Variants in CNTNAP2 observed in about 807,000 individuals in gnomAD.
CNTNAP2 encodes the protein contactin associated protein 2, also known as contactin-associated protein-like 2.
CNTNAP2 carries 98 observed loss-of-function variants against 155.2 expected under a neutral mutation model. The ratio of observed to expected loss-of-function variants is 0.63; its 90% CI spans 0.54 to 0.75. CNTNAP2 has a LOEUF of 0.75. CNTNAP2 is among the 30% of genes least tolerant of loss of function. The pLI, the probability that CNTNAP2 is intolerant of heterozygous loss-of-function variation, is 0.00. For missense variants in CNTNAP2, 1,727 were observed against 1,688.1 expected (o/e 1.02, Z -0.40); for synonymous variants, 651 against 631.2 (o/e 1.03, Z -0.47).
intron 13 of CNTNAP2, among the ~76,000 whole-genome samples, chr7:147,850,268 G>A (rs1798907532): frequency 6.6e-6 from 1 of 152,114 alleles, no homozygotes; most frequent in Admixed American, 6.6e-5. Flanking sequence ...AATAAAAGAG[G>A]ACACAAACAA....
chr7:146,469,159 G>A (rs948298734), intron 1 of CNTNAP2, among the ~76,000 whole-genome samples: 1 of 152,168 alleles, frequency 6.6e-6, no homozygotes, highest in African/African-American at 2.4e-5. Context: ...TGCTGGAGGT[G>A]AGCTGCCTTT....
chr7:148,297,416 T>G (rs893259421), intron 21 of CNTNAP2, among the ~76,000 whole-genome samples: 2 of 152,134 alleles, frequency 1.3e-5, no homozygotes, highest in African/African-American at 4.8e-5. Context: ...AGAGATTAAT[T>G]ACAGCCACTG....
At chr7:146,667,988 C>T (rs1408498461) in intron 1 of CNTNAP2, among the ~76,000 whole-genome samples, 1 of 152,054 alleles carries the variant, frequency 6.6e-6, no homozygotes, top group Non-Finnish European at 1.5e-5. Flanking sequence ...ATTGCTCTGG[C>T]TGGGACTTCT....
chr7:147,313,634 G>T (rs1294335271), intron 9 of CNTNAP2, among the ~76,000 whole-genome samples: 3 of 151,526 alleles, frequency 2.0e-5, no homozygotes, highest in Non-Finnish European at 4.4e-5. Flanking sequence ...CTCTGTTTTG[G>T]TACCATTACC....
At chr7:146,288,388 T>C (rs1800373146) in intron 1 of CNTNAP2, among the ~76,000 whole-genome samples, 1 of 152,142 alleles carries the variant, frequency 6.6e-6, no homozygotes, top group South Asian at 2.1e-4. Context: ...GTTAATTGTT[T>C]TTGGTGATTT....
chr7:146,444,680 C>A, intron 1 of CNTNAP2, among the ~76,000 whole-genome samples: 1 of 138,708 alleles, frequency 7.2e-6, no homozygotes, highest in Non-Finnish European at 1.5e-5. Flanking sequence ...TTTTTTGAGA[C>A]AGCATTTTAC....
At chr7:148,177,864 A>G (rs1794969798) in intron 18 of CNTNAP2, among the ~76,000 whole-genome samples, 1 of 151,150 alleles carries the variant, frequency 6.6e-6, no homozygotes, top group Admixed American at 6.6e-5. Flanking sequence ...GTTTATCATA[A>G]AAAATAGGAT....
chr7:148,028,790 C>A (rs1350536938), intron 15 of CNTNAP2, among the ~76,000 whole-genome samples: 2 of 152,124 alleles, frequency 1.3e-5, no homozygotes, highest in Non-Finnish European at 2.9e-5. Flanking sequence ...ACCTCAAAGC[C>A]TTCCAAACAG....
intron 4 of CNTNAP2, among the ~76,000 whole-genome samples, chr7:147,074,942 A>T (rs1799967165): frequency 6.6e-6 from 1 of 152,068 alleles, no homozygotes; most frequent in Non-Finnish European, 1.5e-5. Flanking sequence ...TACATTTATA[A>T]CCAAGCTCAG....
intron 1 of CNTNAP2, among the ~76,000 whole-genome samples, chr7:146,412,288 T>G (rs570580484): frequency 3.3e-5 from 5 of 152,348 alleles, no homozygotes; most frequent in African/African-American, 9.6e-5. Context: ...TGCTCTTATC[T>G]GTAAATCAGA....
intron 2 of CNTNAP2, among the ~76,000 whole-genome samples, chr7:146,809,424 C>T (rs571987980): frequency 3.3e-4 from 50 of 151,958 alleles, no homozygotes; most frequent in Non-Finnish European, 4.3e-4. Flanking sequence ...TGCAGTGGTG[C>T]GGTGTCGGCT....
At chr7:147,576,167 A>T (rs923448133) in intron 12 of CNTNAP2, among the ~76,000 whole-genome samples, 9 of 151,990 alleles carry the variant, frequency 5.9e-5, no homozygotes, top group African/African-American at 2.2e-4. Flanking sequence ...ATCAAGGGCC[A>T]TGTCTGTCTT....
chr7:147,455,503 C>T (rs1207207654), intron 10 of CNTNAP2, among the ~76,000 whole-genome samples: 1 of 152,068 alleles, frequency 6.6e-6, no homozygotes. Flanking sequence ...TGTACATCTA[C>T]ATTTCTGTCT....
chr7:146,884,550 G>A (rs1280267161), intron 3 of CNTNAP2, among the ~76,000 whole-genome samples: 1 of 152,076 alleles, frequency 6.6e-6, no homozygotes, highest in Non-Finnish European at 1.5e-5. Context: ...GTTAGATGCT[G>A]TTCTAAGCAT....
intron 20 of CNTNAP2, among the ~76,000 whole-genome samples, chr7:148,244,446 T>C (rs1253403302): frequency 6.6e-6 from 1 of 152,192 alleles, no homozygotes; most frequent in Non-Finnish European, 1.5e-5. Flanking sequence ...TTGAGCCCAG[T>C]GTGTATATTT....
At chr7:146,325,512 T>C (rs554213469) in intron 1 of CNTNAP2, among the ~76,000 whole-genome samples, 109 of 152,250 alleles carry the variant, frequency 7.2e-4, no homozygotes, top group African/African-American at 2.5e-3. Flanking sequence ...ACATATGTTT[T>C]TATAGCCCCT....
chr7:148,330,383 G>A (rs1797968054), intron 21 of CNTNAP2, among the ~76,000 whole-genome samples: 1 of 151,706 alleles, frequency 6.6e-6, no homozygotes. Flanking sequence ...TAGATGGAGT[G>A]GACGGATAGA....
intron 3 of CNTNAP2, among the ~76,000 whole-genome samples, chr7:147,037,517 A>G (rs1195837590): frequency 1.5e-5 from 2 of 137,604 alleles, no homozygotes; most frequent in Admixed American, 8.1e-5. Context: ...GCCAGAGTGC[A>G]GTGGTGCGAT....
At chr7:146,713,885 C>G (rs1358260785) in intron 1 of CNTNAP2, among the ~76,000 whole-genome samples, 4 of 152,070 alleles carry the variant, frequency 2.6e-5, no homozygotes, top group Non-Finnish European at 5.9e-5. Flanking sequence ...ATCCACAGAG[C>G]TAATACCTAG....
Sources: gnomAD v4.1 joint callset for allele counts (sites outside exome capture counted in the v4.1 genomes callset) on GRCh38, gnomAD v4.1.1 for gene constraint, MANE v1.5 for transcripts, NCBI Gene and HGNC (gene_info 2026-07-23, HGNC 2026-07-21) for gene names.